Variants in PYY observed in about 807,000 individuals in gnomAD.
The protein encoded by PYY is peptide tyrosine tyrosine.
A neutral mutation model predicts 10.3 loss-of-function variants in PYY; 12 were observed. That is an observed-to-expected ratio of 1.17 (90% CI 0.75 to 1.89). PYY has a LOEUF of 1.89. Among genes scored for constraint, PYY ranks in the 40% most tolerant of loss-of-function variants. The pLI, the probability that PYY is intolerant of heterozygous loss-of-function variation, is 0.00. For missense variants in PYY, 141 were observed against 134.0 expected, an observed-to-expected ratio of 1.05 and a Z score of -0.26; for synonymous variants, 66 against 62.0, an observed-to-expected ratio of 1.06 and a Z score of -0.30.
chr17:43,969,347 C>T (rs1041148922), intron 1 of PYY, among the ~76,000 whole-genome samples: 7 of 151,726 alleles, frequency 4.6e-5, no homozygotes, highest in Non-Finnish European at 8.8e-5. Flanking sequence ...GAAACCCTGT[C>T]TCTACTAAAA....
At chr17:43,975,725 A>ATAT (rs1555618108) in intron 1 of PYY, among the ~76,000 whole-genome samples, 1 of 83,772 alleles carries the variant, frequency 1.2e-5, no homozygotes, top group Non-Finnish European at 2.0e-5. Context: ...GAAAAAAAAA[A>ATAT]ATATATATAT....
chr17:43,959,624 A>G lies in PYY; in HGVS notation c.-217-1596T>C, dbSNP rs7213437. On this transcript the variant is annotated intron_variant, in intron 2 of 6. Coordinates refer to the PYY transcript ENST00000360085. The stretch of plus-strand genomic sequence containing the variant: ...TTGAACCTGGGAGGCGGAGATTGTA[A>G]TGAGCCAAGATCGCTCCACAGCGCT... 3.0e-3 allele frequency among the ~76,000 whole-genome samples: 452 copies of G among 152,340 alleles called. 2 individuals are homozygous for G. The highest frequency in any genetic ancestry group is 0.01 in the African/African-American group (426 of 41,572).
At chr17:43,993,185 G>A (rs2048969135) in intron 1 of PYY, among the ~76,000 whole-genome samples, 1 of 151,552 alleles carries the variant, frequency 6.6e-6, no homozygotes. Flanking sequence ...CATGGGCTGG[G>A]TGCTGTGGCT....
chr17:44,001,322 C>A lies in PYY; in HGVS notation c.-463+3069G>T, dbSNP rs8071775. 0.02 allele frequency among the ~76,000 whole-genome samples: 3,031 copies of A among 152,264 alleles called. 120 individuals carry two copies. The highest frequency in any genetic ancestry group is 0.07 in the African/African-American group (2,904 of 41,540). On this transcript the variant is annotated intron_variant, in intron 1 of 6. Transcript: ENST00000360085. ...GCTCCCAGGATCTCCAAGACCCAAGCCTGGTGAGAAGCTGGGCCCCTGAAC... is the reference window on the plus strand; with the variant it reads ...GCTCCCAGGATCTCCAAGACCCAAGACTGGTGAGAAGCTGGGCCCCTGAAC...
upstream of PYY, among the ~76,000 whole-genome samples, chr17:43,954,653 C>T (rs986584569): frequency 6.6e-6 from 1 of 152,164 alleles, no homozygotes; most frequent in Non-Finnish European, 1.5e-5. Flanking sequence ...CACACAGACC[C>T]CAGTCCAGCC....
intron 1 of PYY, among the ~76,000 whole-genome samples, chr17:43,968,316 T>C (rs1001260524): frequency 1.1e-4 from 17 of 152,190 alleles, no homozygotes; most frequent in African/African-American, 3.9e-4. Context: ...TCATAGGAAG[T>C]GTGCAGTAGA....
chr17:43,974,369 A>T (rs960948546), intron 1 of PYY, among the ~76,000 whole-genome samples: 3 of 151,908 alleles, frequency 2.0e-5, no homozygotes, highest in Non-Finnish European at 2.9e-5. Context: ...GGATGGTTCT[A>T]GGTGAACACG....
intron 1 of PYY, among the ~76,000 whole-genome samples, chr17:43,978,625 A>G (rs967418301): frequency 6.6e-6 from 1 of 152,198 alleles, no homozygotes; most frequent in African/African-American, 2.4e-5. Context: ...TAATTCCCAA[A>G]ACAGGCTATT....
intron 1 of PYY, 84 bp from the exon 2 acceptor site, chr17:43,953,567 T>C: frequency 1.6e-6 from 2 of 1,267,402 alleles, no homozygotes; most frequent in Non-Finnish European, 2.1e-6. Flanking sequence ...GGGGCCGCGC[T>C]CCGACGCTCT....
intron 2 of PYY, among the ~76,000 whole-genome samples, chr17:43,959,513 C>G (rs1185763343): frequency 6.6e-6 from 1 of 152,156 alleles, no homozygotes; most frequent in Admixed American, 6.5e-5. Context: ...GAAACCCTGT[C>G]TGTACTAAAA....
chr17:43,959,455 C>A (rs1567926648), intron 2 of PYY, among the ~76,000 whole-genome samples: 1 of 152,168 alleles, frequency 6.6e-6, no homozygotes, highest in Non-Finnish European at 1.5e-5. Context: ...GAGACCAAGG[C>A]GGGCGGATCA....
At chr17:43,976,294 C>T (rs1438783591) in intron 1 of PYY, among the ~76,000 whole-genome samples, 1 of 148,610 alleles carries the variant, frequency 6.7e-6, no homozygotes, top group Non-Finnish European at 1.5e-5. Context: ...CATATGTATA[C>T]ATGTATACAT....
intron 1 of PYY, among the ~76,000 whole-genome samples, chr17:43,973,293 G>C (rs1369168713): frequency 1.3e-5 from 2 of 152,208 alleles, no homozygotes; most frequent in Non-Finnish European, 2.9e-5. Context: ...GCTACTGACA[G>C]ATCAGGAGAG....
At chr17:43,998,375 C>T (rs542014358) in intron 1 of PYY, among the ~76,000 whole-genome samples, 37 of 151,922 alleles carry the variant, frequency 2.4e-4, no homozygotes, top group Non-Finnish European at 4.3e-4. Flanking sequence ...CTGGGCAATA[C>T]GATGAAACCG....
At position 43,975,887 on chromosome 17, in the gene PYY, C is replaced by T. The variant is rs1222901577; in HGVS notation, c.-462-9355G>A. 4.0e-3 allele frequency among the ~76,000 whole-genome samples: 7 copies of T among 1,756 alleles called. 3 individuals are homozygous for T. In the African/African-American group the frequency reaches 0.044, roughly 11 times the overall value. 1.2% of individuals were successfully genotyped at this position (1,756 alleles called of 152,430 possible). ...ACATACACGTGTCTACGTACGTGTA[C>T]ATACACGTGTCTACGTACGTGTACA... On this transcript the variant is annotated intron_variant, in intron 1 of 6. Transcript: ENST00000360085.
At chr17:43,982,898 G>T (rs948326368) in intron 1 of PYY, among the ~76,000 whole-genome samples, 2 of 152,128 alleles carry the variant, frequency 1.3e-5, no homozygotes, top group African/African-American at 4.8e-5. Flanking sequence ...GAAAGTGGTG[G>T]CCCCAAGTCT....
chr17:44,003,700 A>G (rs1432383323), intron 1 of PYY, among the ~76,000 whole-genome samples: 5 of 144,986 alleles, frequency 3.4e-5, no homozygotes, highest in Admixed American at 6.9e-5. Context: ...AGGGTTACAG[A>G]GGTCGAGTGA....
At chr17:43,974,222 C>A (rs2048814486) in intron 1 of PYY, among the ~76,000 whole-genome samples, 1 of 152,034 alleles carries the variant, frequency 6.6e-6, no homozygotes. Context: ...TCTTCCCTCG[C>A]GCATTTCCCG....
In PYY at chr17:43,952,792, T is replaced by G. The variant is rs1253598074; in HGVS notation, c.*164A>C. 1 of 701,596 alleles carries G rather than the reference T, an allele frequency of 1.4e-6. No individual in the cohort carries two copies. The highest frequency in any genetic ancestry group is 1.8e-5 in the African/African-American group (1 of 54,856). 43.5% of individuals were successfully genotyped at this position (701,596 alleles called of 1,614,324 possible). On this transcript the variant is annotated 3_prime_UTR_variant, in exon 4 of 4. Coordinates refer to ENST00000692052, the MANE Select transcript of PYY (RefSeq NM_001394028.1). ...ACCAGGGAAGGACCACACACAGCCC[T>G]CCAGCCCAGGGGGCGGGGGCACCGA...
Sources: gnomAD v4.1 joint callset for allele counts (sites outside exome capture counted in the v4.1 genomes callset) on GRCh38, gnomAD v4.1.1 for gene constraint, MANE v1.5 for transcripts, NCBI Gene and HGNC (gene_info 2026-07-23, HGNC 2026-07-21) for gene names.